ARFGEF3: variants seen among roughly 807,000 people sequenced by gnomAD.
The protein encoded by ARFGEF3 is ARFGEF family member 3.
A neutral mutation model predicts 221.7 loss-of-function variants in ARFGEF3; 96 were observed. The observed-to-expected ratio is 0.43, with a 90% CI of 0.37 to 0.51. The LOEUF (loss-of-function observed/expected upper bound fraction) is 0.51. ARFGEF3 is among the 20% of genes least tolerant of loss of function. ARFGEF3 has a pLI of 0.00. For missense variants in ARFGEF3, 2,410 were observed against 2,789.9 expected (o/e 0.86, Z 3.07); for synonymous variants, 1,145 against 1,126.8 (o/e 1.02, Z -0.32).
intron 3 of ARFGEF3, among the ~76,000 whole-genome samples, chr6:138,207,754 A>G (rs1369640852): frequency 1.3e-5 from 2 of 152,226 alleles, no homozygotes; most frequent in Non-Finnish European, 2.9e-5. Flanking sequence ...CTAAGAGAAA[A>G]GCACTGTGAA....
At chr6:138,224,963 G>A (rs1342728752) in intron 4 of ARFGEF3, among the ~76,000 whole-genome samples, 1 of 152,160 alleles carries the variant, frequency 6.6e-6, no homozygotes, top group Admixed American at 6.5e-5. Flanking sequence ...GAATGGTGGG[G>A]TATGAGAGAT....
chr6:138,196,607 C>T (rs1777428465), intron 2 of ARFGEF3, among the ~76,000 whole-genome samples: 1 of 152,028 alleles, frequency 6.6e-6, no homozygotes, highest in African/African-American at 2.4e-5. Context: ...ACTGCTCTAG[C>T]CTTTATAAAC....
rs755568440 is a variant in ARFGEF3 at position 138,335,164 on chromosome 6, G to A, written c.6318G>A (p.Val2106=). Residue 2106 remains valine, a synonymous_variant, in exon 33 of 34, where the codon GTG becomes GTA. Transcript: ENST00000251691. ...CCGGGAGCTCCCTCAGTGTCTCGGTGAGAGACGCAGAAGCACAGATCCAGG... is the reference window on the plus strand; with the variant it reads ...CCGGGAGCTCCCTCAGTGTCTCGGTAAGAGACGCAGAAGCACAGATCCAGG... ...GSTGSSLSVS[V]RDAEAQIQAW... The A allele has an allele frequency of 7.1e-6, 11 of 1,559,234 alleles. 1 individual carries two copies. In the South Asian group the frequency reaches 1.1e-4, roughly 15 times the overall value.
In ARFGEF3 at chr6:138,255,721, C is replaced by T. The variant is rs1485642512; in HGVS notation, c.1056C>T (p.Leu352=). The T allele has an allele frequency of 6.2e-7, 1 of 1,605,306 alleles. No homozygotes were observed. The highest frequency in any genetic ancestry group is 2.2e-5 in the East Asian group (1 of 44,606). ...VLQSLYHRVL[L]YPPPQHRVEA... is the part of the protein sequence containing the mutation. ...AGTCCCTCTACCACCGAGTGCTGCT[C>T]TACCCCCCACCCCAGCACCGGGTGG... is the stretch of plus-strand genomic sequence containing the variant. Residue 352 remains leucine, a synonymous_variant, in exon 10 of 34, where the codon CTC becomes CTT. Transcript: ENST00000251691.
intron 22 of ARFGEF3, among the ~76,000 whole-genome samples, chr6:138,305,446 A>G (rs1779702575): frequency 6.6e-6 from 1 of 151,910 alleles, no homozygotes; most frequent in African/African-American, 2.4e-5. Context: ...TACAAAAAAA[A>G]AGTATATATA....
chr6:138,231,041 TG>T (rs1562361723), intron 5 of ARFGEF3, among the ~76,000 whole-genome samples: 1 of 151,884 alleles, frequency 6.6e-6, no homozygotes, highest in Non-Finnish European at 1.5e-5. Flanking sequence ...CTGATGGAAC[TG>T]GGGGGAAGGG....
At chr6:138,241,996 T>C (rs1416323812) in intron 6 of ARFGEF3, among the ~76,000 whole-genome samples, 1 of 152,228 alleles carries the variant, frequency 6.6e-6, no homozygotes, top group Non-Finnish European at 1.5e-5. Flanking sequence ...TTAAATGTGC[T>C]TCCTCCGGAA....
intron 10 of ARFGEF3, among the ~76,000 whole-genome samples, chr6:138,260,509 C>T (rs1197056633): frequency 3.3e-5 from 5 of 152,128 alleles, no homozygotes; most frequent in Admixed American, 3.3e-4. Context: ...GAACAGTCTA[C>T]ATATGAAAAC....
chr6:138,262,389 A>C (rs562881932), intron 11 of ARFGEF3, among the ~76,000 whole-genome samples: 35 of 152,092 alleles, frequency 2.3e-4, no homozygotes, highest in African/African-American at 6.3e-4. Flanking sequence ...ACGTGGTTTC[A>C]CCATGTTGGC....
At position 138,334,565 on chromosome 6, in the gene ARFGEF3, C is replaced by A; in HGVS notation, c.5719C>A (p.Leu1907Met). 1 of 1,613,664 alleles carries A rather than the reference C, an allele frequency of 6.2e-7. No homozygotes were observed. The highest frequency in any genetic ancestry group is 8.5e-7 in the Non-Finnish European group (1 of 1,179,884). ...WVWLVKRLHK[L>M]CMELCNNYIQ... ...GTGGCTGGTCAAGAGGCTGCACAAG[C>A]TGTGCATGGAACTGTGCAACAACTA... Residue 1907 changes from leucine to methionine, a missense_variant, in exon 33 of 34, where the codon CTG becomes ATG. Around this residue, in one of 5 missense-constraint regions of ARFGEF3, gnomAD observed 723 missense variants for 991.9 expected, o/e 0.73. Coordinates refer to ENST00000251691, the MANE Select transcript of ARFGEF3 (RefSeq NM_020340.5). The surrounding 1 kb of genome is among the most constrained non-coding windows in gnomAD (Gnocchi z 5.1).
intron 31 of ARFGEF3, among the ~76,000 whole-genome samples, chr6:138,326,513 A>C (rs116585533): frequency 0.043 from 6,498 of 152,310 alleles, 186 homozygotes; most frequent in East Asian, 0.11. Flanking sequence ...CAACATATGA[A>C]AAAAGCTCAA....
chr6:138,323,806 A>T, intron 30 of ARFGEF3, 33 bp downstream of exon 30: 1 of 1,603,214 alleles, frequency 6.2e-7, no homozygotes, highest in Non-Finnish European at 8.5e-7. Context: ...TCCCTGGCAC[A>T]GTTCTAACCA....
intron 12 of ARFGEF3, among the ~76,000 whole-genome samples, chr6:138,267,435 A>G (rs1284402383): frequency 6.6e-6 from 1 of 152,176 alleles, no homozygotes; most frequent in African/African-American, 2.4e-5. Context: ...AGAAAAAAAA[A>G]TTAAAATTAT....
rs1779281727 is a variant in ARFGEF3, at chr6:138,285,999, G to A, written c.2515G>A (p.Ala839Thr). The change falls in exon 15 of 34, where the codon GCT (alanine) becomes ACT (threonine). Residue 839 changes from alanine (A) to threonine (T), a missense_variant. Around this residue, in one of 5 missense-constraint regions of ARFGEF3, gnomAD observed 594 missense variants for 734.3 expected, o/e 0.81. Transcript: ENST00000251691. ...AIGGQLMASAATESPFAQSRR... is the reference protein window; with the variant it reads ...AIGGQLMASATTESPFAQSRR... ...TGGTGGCCAGCTGATGGCCTCGGCTGCTACAGAGTCTCCTTTCGCCCAGAG... is the reference window on the plus strand; with the variant it reads ...TGGTGGCCAGCTGATGGCCTCGGCTACTACAGAGTCTCCTTTCGCCCAGAG... 5.0e-6 allele frequency: 8 copies of A among 1,610,990 alleles called. No individual in the cohort carries two copies. Among genetic ancestry groups the A allele is most frequent in the Non-Finnish European group, 6.8e-6 (8 of 1,179,756 alleles).
chr6:138,342,991 C>T lies in ARFGEF3; in HGVS notation c.*6505C>T. 1 of 152,174 alleles carries T rather than the reference C, an allele frequency of 6.6e-6. No homozygotes were observed. The highest frequency in any genetic ancestry group is 1.9e-4 in the East Asian group (1 of 5,202). 9.4% of individuals were successfully genotyped at this position (152,174 alleles called of 1,614,324 possible). ...AATATGTTGTTTGTGCACATATCTA[C>T]ATGGTGGAGACCATATTCATTATTT... On this transcript the variant is annotated 3_prime_UTR_variant, in exon 34 of 34. Coordinates refer to ENST00000251691, the MANE Select transcript of ARFGEF3 (RefSeq NM_020340.5).
chr6:138,308,574 A>C (rs1216591378), intron 23 of ARFGEF3, among the ~76,000 whole-genome samples, 165 bp from the exon 24 acceptor site: 1 of 152,154 alleles, frequency 6.6e-6, no homozygotes, highest in African/African-American at 2.4e-5. Flanking sequence ...AGAGCTGAGC[A>C]CCATGCTGGA....
rs41289777 is a variant in ARFGEF3 at position 138,334,062 on chromosome 6, G to A, written c.5216G>A (p.Gly1739Asp). The A allele has an allele frequency of 4.3e-6, 7 of 1,613,848 alleles. No individual in the cohort carries two copies. Among genetic ancestry groups the A allele is most frequent in the South Asian group, 3.3e-5 (3 of 91,068 alleles). ...ATCTTGTTAGAAGAGTTTGTCAAAG[G>A]CCCCTCTCCTGGAGAGGAAAAGACG... ...YDILLEEFVK[G>D]PSPGEEKTIQ... Residue 1739 changes from glycine (G) to aspartate (D), a missense_variant, in exon 33 of 34, where the codon GGC (glycine) becomes GAC (aspartate). Physicochemically the swap from Gly to Asp is moderately conservative, Grantham distance 94 (BLOSUM62 -1). Around this residue, in one of 5 missense-constraint regions of ARFGEF3, gnomAD observed 723 missense variants for 991.9 expected, o/e 0.73. Transcript: ENST00000251691. This position sits in a 1 kb window ranked among gnomAD's most constrained non-coding sequence, Gnocchi z 5.1.
chr6:138,204,418 T>C (rs929565318), intron 2 of ARFGEF3, among the ~76,000 whole-genome samples: 3 of 151,900 alleles, frequency 2.0e-5, no homozygotes, highest in African/African-American at 7.3e-5. Context: ...GGGCACTTTG[T>C]CTATATCAAT....
Position 138,263,141 on chromosome 6 carries a change from A to T in ARFGEF3, c.1658A>T (p.Glu553Val). Residue 553 changes from glutamate to valine, a missense_variant, in exon 12 of 34, where the codon GAA becomes GTA. Around this residue, in one of 5 missense-constraint regions of ARFGEF3, gnomAD observed 594 missense variants for 734.3 expected, o/e 0.81. Transcript: ENST00000251691. ...EGKETLSKVL[E>V]TEAVDQPDVV... ...AAGGAGACGCTGAGCAAAGTATTGG[A>T]AACAGAGGCGGTAGACCAGCCAGAT... The T allele has an allele frequency of 6.2e-7, 1 of 1,614,002 alleles. No homozygotes were observed.
Sources: gnomAD v4.1 joint callset for allele counts (sites outside exome capture counted in the v4.1 genomes callset) on GRCh38, gnomAD v4.1.1 for gene constraint, gnomAD v4.1.1 regional missense constraint, Gnocchi (gnomAD v3.1) non-coding constraint, MANE v1.5 for transcripts, NCBI Gene and HGNC (gene_info 2026-07-23, HGNC 2026-07-21) for gene names.